The following DIPK1C variants were observed in gnomAD, a reference collection of about 807,000 sequenced individuals.
DIPK1C encodes divergent protein kinase domain 1C, also known as familial non-conventional Alzheimer's dementia.
DIPK1C carries 33 observed loss-of-function variants against 28.0 expected under a neutral mutation model. The observed-to-expected ratio is 1.18, with a 90% CI of 0.89 to 1.58. DIPK1C has a LOEUF of 1.58. DIPK1C is among the 40% of genes most tolerant of loss of function. The pLI is 0.00. For missense variants in DIPK1C, 569 were observed against 568.5 expected (o/e 1.00, Z -0.01); for synonymous variants, 255 against 248.8 (o/e 1.02, Z -0.23).
intron 1 of DIPK1C, among the ~76,000 whole-genome samples, chr18:74,450,023 T>C (rs1559804): frequency 0.59 from 89,862 of 151,826 alleles, 26,795 homozygotes; most frequent in Middle Eastern, 0.66. Flanking sequence ...CAGGCTCCTC[T>C]GAGACCTTTC....
In DIPK1C at chr18:74,447,028, C is replaced by A; in HGVS notation, c.454G>T (p.Ala152Ser). ...MPEAELLLMVAGEVKSALGLE... is the reference protein window; with the variant it reads ...MPEAELLLMVSGEVKSALGLE... ...CCCAGAGCGCTCTTGACCTCCCCAG[C>A]CACCATCAGGAGGAGTTCGGCCTCG... Residue 152 changes from alanine to serine, a missense_variant, in exon 2 of 4, where the codon GCT becomes TCT. Ala to Ser is a moderately conservative substitution (Grantham distance 99, BLOSUM62 1). Coordinates refer to ENST00000343998, the MANE Select transcript of DIPK1C (RefSeq NM_001044369.3). The surrounding 1 kb of genome is among the most constrained non-coding windows in gnomAD (Gnocchi z 4.1). The A allele has an allele frequency of 6.5e-7, 1 of 1,547,456 alleles. No homozygotes were observed.
intron 2 of DIPK1C, among the ~76,000 whole-genome samples, chr18:74,445,541 G>A (rs1364984970): frequency 2.0e-5 from 3 of 152,218 alleles, no homozygotes; most frequent in Admixed American, 2.0e-4. Context: ...AGAAGACCAT[G>A]CCATTCCTAT....
rs1385179823 is a variant in DIPK1C at position 74,435,875 on chromosome 18, TCACA to T, written c.*622_*625del. 2 of 152,420 alleles carry T rather than the reference TCACA, an allele frequency of 1.3e-5. No individual in the cohort carries two copies. Among genetic ancestry groups the T allele is most frequent in the Non-Finnish European group, 2.9e-5 (2 of 68,168 alleles). 9.4% of individuals were successfully genotyped at this position (152,420 alleles called of 1,614,324 possible). The stretch of plus-strand genomic sequence containing the variant: ...CCCCAACACACTCACCTGCCCACAC[TCACA>T]CAATCACATACACATGCCCACACTT... On this transcript the variant is annotated 3_prime_UTR_variant, in exon 4 of 4. Coordinates refer to ENST00000343998, the MANE Select transcript of DIPK1C (RefSeq NM_001044369.3).
At chr18:74,441,263 G>A in intron 3 of DIPK1C, among the ~76,000 whole-genome samples, 1 of 152,154 alleles carries the variant, frequency 6.6e-6, no homozygotes, top group East Asian at 1.9e-4. Flanking sequence ...CAGGCCATGG[G>A]GAAGGTCTGC....
chr18:74,454,132 A>G (rs1033748271), intron 1 of DIPK1C, among the ~76,000 whole-genome samples: 49 of 152,160 alleles, frequency 3.2e-4, no homozygotes, highest in African/African-American at 1.1e-3. Flanking sequence ...CTATTTCTTG[A>G]TTACAGTGTG....
intron 2 of DIPK1C, among the ~76,000 whole-genome samples, 167 bp from the exon 3 acceptor site, chr18:74,442,283 G>T (rs1443097075): frequency 1.3e-5 from 2 of 152,150 alleles, no homozygotes; most frequent in African/African-American, 4.8e-5. Context: ...GCCCTGGGGA[G>T]TGGATTCATC....
chr18:74,464,188 C>G, the DIPK1C span, among the ~76,000 whole-genome samples: 1 of 152,114 alleles, frequency 6.6e-6, no homozygotes, highest in African/African-American at 2.4e-5. Context: ...GCCCCACTCC[C>G]CAAAAAGGGC....
At chr18:74,450,087 G>A (rs989430391) in intron 1 of DIPK1C, among the ~76,000 whole-genome samples, 1 of 152,032 alleles carries the variant, frequency 6.6e-6, no homozygotes, top group South Asian at 2.1e-4. Flanking sequence ...TGAGGCCACC[G>A]TGAGCAAGAA....
At chr18:74,436,747 T>A in intron 3 of DIPK1C, 28 bp from the exon 4 acceptor site, 1 of 1,570,744 alleles carries the variant, frequency 6.4e-7, no homozygotes, top group South Asian at 1.2e-5. Context: ...GGACAGTTAA[T>A]TTAGGGCAGC....
chr18:74,444,005 G>A (rs1986204189), intron 2 of DIPK1C, among the ~76,000 whole-genome samples: 1 of 151,448 alleles, frequency 6.6e-6, no homozygotes, highest in Non-Finnish European at 1.5e-5. Context: ...GATTGCAGCT[G>A]TTATAAACAT....
rs1294934350 is a variant in DIPK1C at position 74,457,059 on chromosome 18, T to C, written c.198+3A>G. The stretch of plus-strand genomic sequence containing the variant: ...CGCGGGGCAGAGCGGCGGCGGGACC[T>C]ACCAGCGCGGCCAGGATGCGCCGGC... On this transcript the variant is annotated splice_donor_region_variant and intron_variant, in intron 1 of 3. Coordinates refer to ENST00000343998, the MANE Select transcript of DIPK1C (RefSeq NM_001044369.3). 2.8e-6 allele frequency: 4 copies of C among 1,450,282 alleles called. No individual in the cohort carries two copies. Among genetic ancestry groups the C allele is most frequent in the Non-Finnish European group, 3.6e-6 (4 of 1,110,244 alleles). The allele number at this position is 1,450,282 out of a possible 1,614,324, so 89.8% of individuals were successfully genotyped here.
upstream of DIPK1C, among the ~76,000 whole-genome samples, chr18:74,461,753 T>C (rs1248093471): frequency 6.6e-6 from 1 of 152,102 alleles, no homozygotes; most frequent in Admixed American, 6.5e-5. Context: ...GTCGTCATCT[T>C]ATTTATTTAT....
At chr18:74,451,246 G>C (rs533076696) in intron 1 of DIPK1C, among the ~76,000 whole-genome samples, 2 of 152,302 alleles carry the variant, frequency 1.3e-5, no homozygotes, top group East Asian at 1.9e-4. Flanking sequence ...TGGGAGGAGA[G>C]GGCACAGTTG....
rs115340291 is a variant in DIPK1C at position 74,439,865 on chromosome 18, T to C, written c.1041+2087A>G. ...TAAAAAGTAAAAAAGTAAGAAAATA[T>C]AAAATAGATAAAGAAAATTGTAATC... On this transcript the variant is annotated intron_variant, in intron 3 of 3. Transcript: ENST00000343998. Among the ~76,000 whole-genome samples, 527 of 151,106 alleles carry C rather than the reference T, an allele frequency of 3.5e-3. 3 individuals carry two copies. The highest frequency in any genetic ancestry group is 0.012 in the African/African-American group (500 of 41,288).
In DIPK1C at chr18:74,442,148, G is replaced by A. The variant is rs747144379; in HGVS notation, c.877-32C>T. The A allele has an allele frequency of 2.5e-6, 4 of 1,611,200 alleles. No individual in the cohort carries two copies. In the East Asian group the frequency reaches 8.9e-5, roughly 36 times the overall value. On this transcript the variant is annotated intron_variant, in intron 2 of 3. Transcript: ENST00000343998. ...TCAAAACAGCACGGGGCTATCAAAG[G>A]GCTACTGGTGGGCTCTGCAGAGAGG...
intron 1 of DIPK1C, among the ~76,000 whole-genome samples, chr18:74,454,880 A>C (rs1461798871): frequency 6.6e-6 from 1 of 152,114 alleles, no homozygotes; most frequent in East Asian, 1.9e-4. Context: ...AGGAAGTGGC[A>C]GGAAGACAGG....
intron 2 of DIPK1C, among the ~76,000 whole-genome samples, chr18:74,446,133 C>T (rs1261832982): frequency 2.0e-5 from 3 of 152,200 alleles, no homozygotes; most frequent in African/African-American, 7.2e-5. Context: ...GGAACCTCTC[C>T]AGACAAAAAG....
upstream of DIPK1C, among the ~76,000 whole-genome samples, chr18:74,459,303 T>C (rs572122661): frequency 7.2e-5 from 11 of 152,202 alleles, no homozygotes; most frequent in South Asian, 2.3e-3. Context: ...CAGATCTACA[T>C]GGTGTTTTAC....
rs181762352 is a variant in DIPK1C at position 74,440,065 on chromosome 18, C to T, written c.1041+1887G>A. Among the ~76,000 whole-genome samples the T allele has an allele frequency of 4.1e-3, 626 of 151,852 alleles. 5 individuals carry two copies. The highest frequency in any genetic ancestry group is 0.014 in the African/African-American group (584 of 41,418). ...GTTCACGCCATTCTCCTGCCTCAGC[C>T]TCCCGAGTAGCTGGGACTGCAGGCG... On this transcript the variant is annotated intron_variant, in intron 3 of 3. Transcript: ENST00000343998.
Sources: allele counts gnomAD v4.1 joint callset (sites outside exome capture counted in the v4.1 genomes callset), GRCh38; gene constraint gnomAD v4.1.1; non-coding constraint Gnocchi (gnomAD v3.1); transcripts MANE v1.5; gene names NCBI Gene and HGNC (gene_info 2026-07-23, HGNC 2026-07-21).